PANX1: variants seen among roughly 807,000 people sequenced by gnomAD.
PANX1 encodes the protein pannexin-1.
PANX1 carries 30 observed loss-of-function variants against 38.7 expected under a neutral mutation model. That is an observed-to-expected ratio of 0.78 (90% CI 0.58 to 1.05). The LOEUF (loss-of-function observed/expected upper bound fraction) is 1.05, where lower values mean the gene tolerates loss of function less well. Ranked by LOEUF, PANX1 falls within the 50% of genes least tolerant of loss-of-function variation. The pLI is 0.00. For missense variants in PANX1, 551 were observed against 517.2 expected (o/e 1.07, Z -0.63); for synonymous variants, 230 against 212.2 (o/e 1.08, Z -0.73).
chr11:94,163,611 T>C (rs1345170590), intron 2 of PANX1, among the ~76,000 whole-genome samples: 3 of 152,368 alleles, frequency 2.0e-5, no homozygotes, highest in South Asian at 2.1e-4. Flanking sequence ...TAATGTGTTA[T>C]TGAATCAGTT....
intron 1 of PANX1, among the ~76,000 whole-genome samples, chr11:94,148,225 C>A (rs955351986): frequency 6.6e-6 from 1 of 152,094 alleles, no homozygotes. Context: ...TATTTAATTT[C>A]ATGTGTTTGA....
chr11:94,157,683 A>C (rs1186919885), intron 2 of PANX1, among the ~76,000 whole-genome samples: 1 of 152,090 alleles, frequency 6.6e-6, no homozygotes. Flanking sequence ...CCCATTCTGT[A>C]GGTTGCCTGT....
At chr11:94,157,164 TGTGAATA>T (rs1329934687) in intron 2 of PANX1, among the ~76,000 whole-genome samples, 1 of 152,140 alleles carries the variant, frequency 6.6e-6, no homozygotes, top group Non-Finnish European at 1.5e-5. Context: ...TCTTTGCTAT[TGTGAATA>T]GTGCCACAAT....
chr11:94,136,096 A>G (rs1249655463), intron 1 of PANX1, among the ~76,000 whole-genome samples: 1 of 152,216 alleles, frequency 6.6e-6, no homozygotes, highest in African/African-American at 2.4e-5. Flanking sequence ...CCAGCATTAA[A>G]AGGAAAGGAG....
At position 94,178,488 on chromosome 11, in the gene PANX1, C is replaced by T; in HGVS notation, c.441C>T (p.Asp147=). ...TGAAGTTTATCATGGAAGAACTTGA[C>T]AAAGTTTACAACCGTGCAATTAAGG... ...SDLKFIMEEL[D]KVYNRAIKAA... Residue 147 remains aspartate, a synonymous_variant, in exon 3 of 5, where the codon GAC becomes GAT. Coordinates refer to ENST00000227638, the MANE Select transcript of PANX1 (RefSeq NM_015368.4). 6.2e-7 allele frequency: 1 copy of T among 1,614,090 alleles called. No individual in the cohort carries two copies. Among genetic ancestry groups the T allele is most frequent in the Non-Finnish European group, 8.5e-7 (1 of 1,179,960 alleles).
chr11:94,178,413 G>T lies in PANX1; in HGVS notation c.366G>T (p.Leu122=). 6.2e-7 allele frequency: 1 copy of T among 1,613,958 alleles called. No individual in the cohort carries two copies. The highest frequency in any genetic ancestry group is 1.1e-5 in the South Asian group (1 of 91,048). The part of the protein sequence containing the change: ...ILLLFAILLY[L]PPLFWRFAAA... ...TGCTCTTTGCGATCCTCCTGTACCT[G>T]CCCCCGCTGTTCTGGCGTTTCGCAG... The change falls in exon 3 of 5, where the codon CTG becomes CTT. Residue 122 remains leucine, a synonymous_variant. Transcript: ENST00000227638.
At chr11:94,166,751 A>T (rs1001464154) in intron 2 of PANX1, among the ~76,000 whole-genome samples, 1 of 152,172 alleles carries the variant, frequency 6.6e-6, no homozygotes, top group Non-Finnish European at 1.5e-5. Context: ...TCTAAGTTGC[A>T]AGACAGTATC....
intron 2 of PANX1, 79 bp from the exon 3 acceptor site, chr11:94,178,290 A>G: frequency 9.3e-7 from 1 of 1,075,878 alleles, no homozygotes; most frequent in Non-Finnish European, 1.4e-6. Context: ...AGATGTGAGA[A>G]AATGAGAGCA....
chr11:94,143,699 A>C (rs1946791569), intron 1 of PANX1, among the ~76,000 whole-genome samples: 1 of 152,266 alleles, frequency 6.6e-6, no homozygotes, highest in Admixed American at 6.5e-5. Flanking sequence ...TATTTATAGA[A>C]CACTTACCTA....
At chr11:94,152,612 G>T (rs542553128) in intron 1 of PANX1, among the ~76,000 whole-genome samples, 3 of 152,162 alleles carry the variant, frequency 2.0e-5, no homozygotes, top group Non-Finnish European at 4.4e-5. Flanking sequence ...GCCAGCCCCT[G>T]TGCTACTGGT....
chr11:94,153,184 G>A (rs988178552), intron 1 of PANX1, among the ~76,000 whole-genome samples: 4 of 151,970 alleles, frequency 2.6e-5, no homozygotes, highest in African/African-American at 7.3e-5. Context: ...GTCTCTCCAC[G>A]CTTGCCTCTT....
At position 94,129,292 on chromosome 11, in the gene PANX1, C is replaced by T. The variant is rs77517764; in HGVS notation, c.-21C>T. On this transcript the variant is annotated 5_prime_UTR_variant, in exon 1 of 5. Coordinates refer to ENST00000227638, the MANE Select transcript of PANX1 (RefSeq NM_015368.4). ...GCCGGCTGTACCCGGACCTCCTGGT[C>T]GAGCCTGGCGCGCCGCAGCCATGGC... 1.7e-4 allele frequency: 271 copies of T among 1,590,320 alleles called. 1 individual carries two copies. In the African/African-American group the frequency reaches 3.4e-3, roughly 20 times the overall value.
rs762298586 is a variant in PANX1 at position 94,179,616 on chromosome 11, C to T, written c.560C>T (p.Ser187Phe). The change falls in exon 4 of 5, where the codon TCT (serine) becomes TTT (phenylalanine). Residue 187 changes from serine (S) to phenylalanine (F), a missense_variant. Coordinates refer to ENST00000227638, the MANE Select transcript of PANX1 (RefSeq NM_015368.4). ...ENLGQSLWEVSESHFKYPIVE... is the reference protein window; with the variant it reads ...ENLGQSLWEVFESHFKYPIVE... ...TTATTTTTTAGTTTGTGGGAGGTAT[C>T]TGAAAGCCACTTCAAGTACCCAATT... is the stretch of plus-strand genomic sequence containing the variant. 5.6e-6 allele frequency: 9 copies of T among 1,613,128 alleles called. No individual in the cohort carries two copies. The highest frequency in any genetic ancestry group is 7.6e-6 in the Non-Finnish European group (9 of 1,179,362).
intron 2 of PANX1, among the ~76,000 whole-genome samples, chr11:94,161,487 A>T (rs892350853): frequency 4.6e-5 from 7 of 152,218 alleles, no homozygotes; most frequent in African/African-American, 1.7e-4. Context: ...TCCATCACTG[A>T]TACCTTTTCT....
chr11:94,135,499 A>G (rs1946678310), intron 1 of PANX1, among the ~76,000 whole-genome samples: 1 of 152,150 alleles, frequency 6.6e-6, no homozygotes, highest in Non-Finnish European at 1.5e-5. Flanking sequence ...CCAGCTGGCA[A>G]AGCAGATCGA....
intron 1 of PANX1, among the ~76,000 whole-genome samples, chr11:94,150,647 T>C (rs568051249): frequency 6.6e-6 from 1 of 152,236 alleles, no homozygotes; most frequent in Non-Finnish European, 1.5e-5. Context: ...GCCGGTCCCC[T>C]GTACCCTCCT....
At chr11:94,136,840 A>C (rs1946698841) in intron 1 of PANX1, among the ~76,000 whole-genome samples, 2 of 152,078 alleles carry the variant, frequency 1.3e-5, no homozygotes, top group South Asian at 2.1e-4. Flanking sequence ...AATACCAGAG[A>C]CTGGGTTATT....
At chr11:94,172,440 G>A (rs11603543) in intron 2 of PANX1, among the ~76,000 whole-genome samples, 29,205 of 151,644 alleles carry the variant, frequency 0.19, 4,002 homozygotes, top group African/African-American at 0.36. Context: ...GAGGTTTGTG[G>A]TCTATGGACC....
chr11:94,176,862 A>C (rs72972537), intron 2 of PANX1, among the ~76,000 whole-genome samples: 3,449 of 151,690 alleles, frequency 0.023, 88 homozygotes, highest in Non-Finnish European at 0.03. Context: ...TGGGGCCAGA[A>C]ACTGCTCCCG....
Sources: allele counts gnomAD v4.1 joint callset (sites outside exome capture counted in the v4.1 genomes callset), GRCh38; gene constraint gnomAD v4.1.1; transcripts MANE v1.5; gene names NCBI Gene and HGNC (gene_info 2026-07-23, HGNC 2026-07-21).